MAGI2: variants seen among roughly 807,000 people sequenced by gnomAD.
MAGI2 encodes membrane associated guanylate kinase, WW and PDZ domain containing 2.
In MAGI2, 35 loss-of-function variants were observed where a neutral mutation model predicts 133.3. The observed-to-expected ratio is 0.26, with a 90% CI of 0.20 to 0.35. The LOEUF is 0.35. Among genes scored for constraint, MAGI2 ranks in the 10% least tolerant of loss-of-function variants. MAGI2 has a pLI of 1.00. For missense variants in MAGI2, 1,636 were observed against 1,863.4 expected (o/e 0.88, Z 2.25); for synonymous variants, 729 against 710.6 (o/e 1.03, Z -0.41).
At chr7:78,488,389 G>A (rs1441515669) in intron 6 of MAGI2, among the ~76,000 whole-genome samples, 2 of 152,126 alleles carry the variant, frequency 1.3e-5, no homozygotes, top group East Asian at 1.9e-4. Flanking sequence ...ACTCAAAGGT[G>A]CAAGACAGCT....
chr7:78,810,008 A>C (rs942760075), intron 2 of MAGI2, among the ~76,000 whole-genome samples: 11 of 152,146 alleles, frequency 7.2e-5, no homozygotes, highest in Non-Finnish European at 1.2e-4. Context: ...TACATTACTA[A>C]AAAAATATAA....
intron 1 of MAGI2, among the ~76,000 whole-genome samples, chr7:79,020,363 A>C (rs1584701185): frequency 6.6e-6 from 1 of 152,222 alleles, no homozygotes; most frequent in African/African-American, 2.4e-5. Flanking sequence ...TTATGTTTAA[A>C]ATGGAAGCAG....
chr7:78,934,604 C>A (rs1276368904), intron 2 of MAGI2, among the ~76,000 whole-genome samples: 2 of 152,022 alleles, frequency 1.3e-5, no homozygotes, highest in Non-Finnish European at 2.9e-5. Flanking sequence ...TTGTTTCATG[C>A]AGAAAATTAT....
At chr7:79,058,631 C>G (rs1813395210) in intron 1 of MAGI2, among the ~76,000 whole-genome samples, 1 of 151,984 alleles carries the variant, frequency 6.6e-6, no homozygotes. Flanking sequence ...GACATTAGAG[C>G]AGACATCAGC....
chr7:79,426,866 C>T (rs1563213647), intron 1 of MAGI2, among the ~76,000 whole-genome samples: 1 of 152,062 alleles, frequency 6.6e-6, no homozygotes, highest in African/African-American at 2.4e-5. Flanking sequence ...TACCTTTGCC[C>T]CTATTCAAAT....
At chr7:78,755,090 A>T (rs982624192) in intron 2 of MAGI2, among the ~76,000 whole-genome samples, 2 of 152,230 alleles carry the variant, frequency 1.3e-5, no homozygotes, top group Non-Finnish European at 2.9e-5. Flanking sequence ...TATGTTCCAC[A>T]TATTATTACT....
intron 2 of MAGI2, among the ~76,000 whole-genome samples, chr7:78,733,209 C>T (rs1325159502): frequency 1.3e-5 from 2 of 152,170 alleles, no homozygotes; most frequent in Non-Finnish European, 2.9e-5. Context: ...CAGGCAATTA[C>T]TATAAAAGCC....
intron 1 of MAGI2, among the ~76,000 whole-genome samples, chr7:79,249,775 G>T (rs1212032211): frequency 6.6e-6 from 1 of 151,898 alleles, no homozygotes; most frequent in Non-Finnish European, 1.5e-5. Context: ...ATAGGAAGAG[G>T]GAATACTTCC....
At chr7:78,333,793 C>G (rs1167547341) in intron 9 of MAGI2, among the ~76,000 whole-genome samples, 3 of 152,198 alleles carry the variant, frequency 2.0e-5, no homozygotes, top group Non-Finnish European at 4.4e-5. Flanking sequence ...CTTCATATGA[C>G]TGCAGCTGGG....
At chr7:78,067,356 T>C (rs1813942797) in intron 21 of MAGI2, among the ~76,000 whole-genome samples, 1 of 152,154 alleles carries the variant, frequency 6.6e-6, no homozygotes, top group African/African-American at 2.4e-5. Flanking sequence ...AATAAATTGC[T>C]GTGAAGGCTG....
intron 2 of MAGI2, among the ~76,000 whole-genome samples, chr7:78,705,092 C>G (rs1407555494): frequency 2.0e-5 from 3 of 152,012 alleles, no homozygotes; most frequent in Admixed American, 6.6e-5. Context: ...GGGGGAAGAA[C>G]TGGTTTACCA....
At chr7:78,607,393 G>A (rs543900560) in intron 3 of MAGI2, among the ~76,000 whole-genome samples, 2 of 151,784 alleles carry the variant, frequency 1.3e-5, no homozygotes, top group East Asian at 1.9e-4. Context: ...TCCAGTTTCC[G>A]CGGCTGGCAG....
chr7:79,162,439 C>T (rs927070523), intron 1 of MAGI2, among the ~76,000 whole-genome samples: 14 of 151,914 alleles, frequency 9.2e-5, no homozygotes, highest in African/African-American at 3.1e-4. Context: ...CAGGGACTAT[C>T]GAGGAAGAGG....
chr7:78,914,180 G>T (rs995365774), intron 2 of MAGI2, among the ~76,000 whole-genome samples: 3 of 152,156 alleles, frequency 2.0e-5, no homozygotes, highest in Admixed American at 1.3e-4. Context: ...TTTAAGGACA[G>T]AGGATGTATC....
intron 1 of MAGI2, among the ~76,000 whole-genome samples, chr7:79,097,982 C>A (rs1440009358): frequency 1.3e-5 from 2 of 152,072 alleles, no homozygotes; most frequent in Admixed American, 1.3e-4. Flanking sequence ...CTTAGCCGGA[C>A]ATGGTGGCAC....
chr7:79,162,454 T>C (rs1824462392), intron 1 of MAGI2, among the ~76,000 whole-genome samples: 1 of 151,624 alleles, frequency 6.6e-6, no homozygotes, highest in Admixed American at 6.6e-5. Flanking sequence ...AAGAGGTGAG[T>C]GCGTGAAATT....
chr7:79,129,888 A>C (rs958633319), intron 1 of MAGI2, among the ~76,000 whole-genome samples: 53 of 152,196 alleles, frequency 3.5e-4, no homozygotes, highest in African/African-American at 1.3e-3. Flanking sequence ...TTCTTGTAAA[A>C]CATCACTGGG....
chr7:79,446,538 G>A (rs1376324209), intron 1 of MAGI2, among the ~76,000 whole-genome samples: 1 of 151,894 alleles, frequency 6.6e-6, no homozygotes, highest in East Asian at 1.9e-4. Context: ...TTCATGTAAC[G>A]ATTACATGGA....
At chr7:79,041,709 T>C (rs977833012) in intron 1 of MAGI2, among the ~76,000 whole-genome samples, 1 of 152,124 alleles carries the variant, frequency 6.6e-6, no homozygotes, top group Non-Finnish European at 1.5e-5. Flanking sequence ...GGCTGACACA[T>C]AATTTCAAAT....
Sources: gnomAD v4.1 joint callset for allele counts (sites outside exome capture counted in the v4.1 genomes callset) on GRCh38, gnomAD v4.1.1 for gene constraint, MANE v1.5 for transcripts, NCBI Gene and HGNC (gene_info 2026-07-23, HGNC 2026-07-21) for gene names.